The following IGFBPL1 variants were observed in gnomAD, a reference collection of about 807,000 sequenced individuals.
The protein encoded by IGFBPL1 is insulin-like growth factor-binding protein-like 1.
Under a neutral mutation model 23.9 loss-of-function variants are expected in IGFBPL1, and 20 were observed. The ratio of observed to expected loss-of-function variants is 0.84; its 90% CI spans 0.59 to 1.22. IGFBPL1 has a LOEUF of 1.22. Ranked by LOEUF, IGFBPL1 falls within the 50% of genes most tolerant of loss-of-function variation. IGFBPL1 has a pLI of 0.00. For missense variants in IGFBPL1, 436 were observed against 379.3 expected, an observed-to-expected ratio of 1.15 and a Z score of -1.24; for synonymous variants, 184 against 171.8, an observed-to-expected ratio of 1.07 and a Z score of -0.56.
intron 3 of IGFBPL1, 115 bp from the exon 4 acceptor site, chr9:38,411,664 C>T: frequency 2.1e-6 from 2 of 941,054 alleles, no homozygotes; most frequent in East Asian, 5.3e-5. Flanking sequence ...TAAGGTAAAA[C>T]TTGCTCTATT....
At chr9:38,418,830 C>T (rs1180595444) in intron 1 of IGFBPL1, among the ~76,000 whole-genome samples, 1 of 152,128 alleles carries the variant, frequency 6.6e-6, no homozygotes, top group East Asian at 1.9e-4. Context: ...CACCCAGATG[C>T]ACATGGTCAC....
At chr9:38,419,307 T>G (rs1821641549) in intron 1 of IGFBPL1, among the ~76,000 whole-genome samples, 1 of 152,154 alleles carries the variant, frequency 6.6e-6, no homozygotes, top group South Asian at 2.1e-4. Context: ...ATAGTCACGT[T>G]ATGATGTGGA....
intron 1 of IGFBPL1, among the ~76,000 whole-genome samples, chr9:38,417,993 A>G (rs4086036): frequency 0.66 from 101,091 of 152,072 alleles, 33,804 homozygotes; most frequent in Non-Finnish European, 0.69. Context: ...TACCAGCCCA[A>G]GGCCAACCTT....
In IGFBPL1 at chr9:38,419,711, G is replaced by A. The variant is rs182805979; in HGVS notation, c.460+4254C>T. Among the ~76,000 whole-genome samples the A allele has an allele frequency of 1.4e-3, 208 of 152,278 alleles. 1 individual carries two copies. The highest frequency in any genetic ancestry group is 4.3e-3 in the African/African-American group (177 of 41,544). Reference sequence around the variant, plus strand: ...TGAACTATCCAGCCTTTAAAGTAATGAGAGCAATAATAATCATCATAATAC... The same window carrying A: ...TGAACTATCCAGCCTTTAAAGTAATAAGAGCAATAATAATCATCATAATAC... On this transcript the variant is annotated intron_variant, in intron 1 of 4. Coordinates refer to ENST00000377694, the MANE Select transcript of IGFBPL1 (RefSeq NM_001007563.3).
chr9:38,414,365 C>G (rs923870828), intron 1 of IGFBPL1, among the ~76,000 whole-genome samples, 162 bp from the exon 2 acceptor site: 5 of 152,160 alleles, frequency 3.3e-5, no homozygotes, highest in Admixed American at 1.3e-4. Context: ...TTCCTCAGAC[C>G]TGGAAAGCTG....
intron 1 of IGFBPL1, among the ~76,000 whole-genome samples, chr9:38,416,851 A>AAT (rs1821606205): frequency 6.8e-6 from 1 of 147,376 alleles, no homozygotes. Context: ...ATTAAAAAAA[A>AAT]TTTTTTTTTT....
In IGFBPL1 at chr9:38,424,051, A is replaced by G; in HGVS notation, c.374T>C (p.Val125Ala). Residue 125 changes from valine to alanine, a missense_variant, in exon 1 of 5, where the codon GTC becomes GCC. By Grantham distance (64) the Val-to-Ala change is moderately conservative (BLOSUM62 0). Coordinates refer to ENST00000377694, the MANE Select transcript of IGFBPL1 (RefSeq NM_001007563.3). ...CGSDGRSYPS[V>A]CALRLRARHT... Reference sequence around the variant, plus strand: ...CCGAGCGCGCAGGCGCAGCGCGCAGACGCTGGGGTACGAGCGACCGTCGGA... The same window carrying G: ...CCGAGCGCGCAGGCGCAGCGCGCAGGCGCTGGGGTACGAGCGACCGTCGGA... 1 of 1,398,980 alleles carries G rather than the reference A, an allele frequency of 7.1e-7. No homozygotes were observed. The highest frequency in any genetic ancestry group is 1.6e-5 in the South Asian group (1 of 64,014). The allele number at this position is 1,398,980 out of a possible 1,614,324, so 86.7% of individuals were successfully genotyped here.
chr9:38,419,904 C>T (rs7029468), intron 1 of IGFBPL1, among the ~76,000 whole-genome samples: 50,352 of 150,506 alleles, frequency 0.33, 8,754 homozygotes, highest in East Asian at 0.5. Flanking sequence ...TCTTCTTCTT[C>T]TTTTTAGACA....
intron 2 of IGFBPL1, 29 bp downstream of exon 2, chr9:38,414,065 G>T (rs112036615): frequency 4.2e-5 from 41 of 976,030 alleles, no homozygotes; most frequent in Non-Finnish European, 6.1e-5. Context: ...ACACACACAC[G>T]AGATGCATGA....
chr9:38,409,720 G>A (rs939888135), intron 4 of IGFBPL1, among the ~76,000 whole-genome samples: 1 of 152,058 alleles, frequency 6.6e-6, no homozygotes, highest in Non-Finnish European at 1.5e-5. Context: ...CATATCATCA[G>A]GAAGACAATT....
In IGFBPL1 at chr9:38,408,702, C is replaced by A. The variant is rs889496046; in HGVS notation, c.*525G>T. 1.8e-4 allele frequency among the ~76,000 whole-genome samples: 28 copies of A among 152,250 alleles called. No individual in the cohort carries two copies. Among genetic ancestry groups the A allele is most frequent in the African/African-American group, 6.3e-4 (26 of 41,552 alleles). The stretch of plus-strand genomic sequence containing the variant: ...AAAAGGCCATCTTAATCTAGGATGG[C>A]AGGGCTAAAAGGGACATTGATAACA... On this transcript the variant is annotated 3_prime_UTR_variant, in exon 5 of 5. Coordinates refer to ENST00000377694, the MANE Select transcript of IGFBPL1 (RefSeq NM_001007563.3).
intron 4 of IGFBPL1, among the ~76,000 whole-genome samples, chr9:38,409,868 T>A (rs1239768545): frequency 1.3e-5 from 2 of 152,110 alleles, no homozygotes; most frequent in African/African-American, 4.8e-5. Flanking sequence ...CCTCGATGAT[T>A]CTTCCTTCAT....
rs1470332288 is a variant in IGFBPL1 at position 38,408,203 on chromosome 9, T to C, written c.*1024A>G. Reference sequence around the variant, plus strand: ...CCAAGGCAGGAGGATCATTTGAGCATAGGAATTTGAGACCAGCCTGGGCGG... The same window carrying C: ...CCAAGGCAGGAGGATCATTTGAGCACAGGAATTTGAGACCAGCCTGGGCGG... On this transcript the variant is annotated 3_prime_UTR_variant, in exon 5 of 5. Transcript: ENST00000377694. Among the ~76,000 whole-genome samples, 5 of 128,284 alleles carry C rather than the reference T, an allele frequency of 3.9e-5. No homozygotes were observed. The highest frequency in any genetic ancestry group is 7.8e-5 in the Non-Finnish European group (5 of 64,508). 84.2% of individuals were successfully genotyped at this position (128,284 alleles called of 152,430 possible). A position where few individuals can be genotyped will look rare whatever the true frequency, so the allele number is the denominator to read the frequency against.
chr9:38,424,366 GGCAGCAGCGGCAGCAGCAGCAGAA>G lies in IGFBPL1; in HGVS notation c.35_58del (p.Leu12_Leu19del), dbSNP rs982607552. On this transcript the variant is annotated inframe_deletion, in exon 1 of 5. Coordinates refer to ENST00000377694, the MANE Select transcript of IGFBPL1 (RefSeq NM_001007563.3). ...GATCCCAAGGCTCGGGGACAGCGGCGGCAGCAGCGGCAGCAGCAGCAGAAGCAGCAGCGGCAAGAGCAGAGACAA... is the reference window on the plus strand; with the variant it reads ...GATCCCAAGGCTCGGGGACAGCGGCGGCAGCAGCGGCAAGAGCAGAGACAA... 114 of 683,674 alleles carry G rather than the reference GGCAGCAGCGGCAGCAGCAGCAGAA, an allele frequency of 1.7e-4. No homozygotes were observed. Among genetic ancestry groups the G allele is most frequent in the Middle Eastern group, 3.7e-4 (1 of 2,712 alleles). The allele number at this position is 683,674 out of a possible 1,614,324, so 42.4% of individuals were successfully genotyped here.
rs1458981802 is a variant in IGFBPL1, at chr9:38,424,138, G to C, written c.287C>G (p.Ala96Gly). ...GPGLVCASQA[A>G]GAAPEGTGLC... ...CCCGGTGCCCTCGGGCGCTGCCCCAGCGGCCTGGCTCGCGCATACCAGGCC... is the reference window on the plus strand; with the variant it reads ...CCCGGTGCCCTCGGGCGCTGCCCCACCGGCCTGGCTCGCGCATACCAGGCC... Residue 96 changes from alanine (A) to glycine (G), a missense_variant, in exon 1 of 5, where the codon GCT (alanine) becomes GGT (glycine). Coordinates refer to ENST00000377694, the MANE Select transcript of IGFBPL1 (RefSeq NM_001007563.3). The C allele has an allele frequency of 4.8e-6, 6 of 1,245,552 alleles. No individual in the cohort carries two copies. The highest frequency in any genetic ancestry group is 3.2e-5 in the African/African-American group (2 of 63,368). The allele number at this position is 1,245,552 out of a possible 1,614,324, so 77.2% of individuals were successfully genotyped here. A position where few individuals can be genotyped will look rare whatever the true frequency, so the allele number is the denominator to read the frequency against.
intron 1 of IGFBPL1, 56 bp from the exon 2 acceptor site, chr9:38,414,259 C>T: frequency 9.3e-7 from 1 of 1,073,028 alleles, no homozygotes; most frequent in Non-Finnish European, 1.4e-6. Context: ...CCAAGCAACC[C>T]ACCTCTAAAT....
intron 1 of IGFBPL1, among the ~76,000 whole-genome samples, chr9:38,422,038 A>G (rs572594526): frequency 2.0e-5 from 3 of 152,136 alleles, no homozygotes; most frequent in Non-Finnish European, 4.4e-5. Flanking sequence ...TGTCACATTT[A>G]CTTGTCATTT....
chr9:38,424,245 G>C lies in IGFBPL1; in HGVS notation c.180C>G (p.Leu60=). 2 of 1,215,330 alleles carry C rather than the reference G, an allele frequency of 1.6e-6. No homozygotes were observed. Among genetic ancestry groups the C allele is most frequent in the Non-Finnish European group, 2.0e-6 (2 of 977,636 alleles). The allele number at this position is 1,215,330 out of a possible 1,614,324, so 75.3% of individuals were successfully genotyped here. A position where few individuals can be genotyped will look rare whatever the true frequency, so the allele number is the denominator to read the frequency against. ...AGCGGGCGCAGCAGCCGCACTCGTC[G>C]AGCGCCGAGATCCCGGGCGCCGGGC... ...APCPAPGISA[L]DECGCCARCL... is the part of the protein sequence containing the mutation. Residue 60 remains leucine, a synonymous_variant, in exon 1 of 5, where the codon CTC becomes CTG. Transcript: ENST00000377694.
rs1821512334 is a variant in IGFBPL1 at position 38,411,459 on chromosome 9, C to T, written c.778G>A (p.Val260Ile). 1 of 1,613,956 alleles carries T rather than the reference C, an allele frequency of 6.2e-7. No individual in the cohort carries two copies. Among genetic ancestry groups the T allele is most frequent in the Admixed American group, 1.7e-5 (1 of 60,000 alleles). ...GEAESHSTVTVLDLSKYRSFH... is the reference protein window; with the variant it reads ...GEAESHSTVTILDLSKYRSFH... ...CTCCTGTATTTACTCAGATCTAGAA[C>T]CGTCACTGTGCTGTGGGACTCAGCC... The change falls in exon 4 of 5, where the codon GTT (valine) becomes ATT (isoleucine). Residue 260 changes from valine to isoleucine, a missense_variant. Coordinates refer to ENST00000377694, the MANE Select transcript of IGFBPL1 (RefSeq NM_001007563.3).
Sources: allele counts gnomAD v4.1 joint callset (sites outside exome capture counted in the v4.1 genomes callset), GRCh38; gene constraint gnomAD v4.1.1; transcripts MANE v1.5; gene names NCBI Gene and HGNC (gene_info 2026-07-23, HGNC 2026-07-21).